CAMTA1: variants seen among roughly 807,000 people sequenced by gnomAD.
The protein encoded by CAMTA1 is calmodulin binding transcription activator 1.
A neutral mutation model predicts 170.9 loss-of-function variants in CAMTA1; 27 were observed. The ratio of observed to expected loss-of-function variants is 0.16; its 90% confidence interval spans 0.12 to 0.22. CAMTA1 has a LOEUF of 0.22. Ranked by LOEUF, CAMTA1 falls within the 10% of genes least tolerant of loss-of-function variation. The pLI is 1.00. For synonymous variants in CAMTA1, 833 were observed against 891.5 expected (o/e 0.93, Z 1.17); for missense variants, 1,619 against 2,217.2 (o/e 0.73, Z 5.42).
intron 3 of CAMTA1, among the ~76,000 whole-genome samples, chr1:6,969,993 C>G (rs1692246391): frequency 6.6e-6 from 1 of 152,118 alleles, no homozygotes; most frequent in South Asian, 2.1e-4. Flanking sequence ...TCACCACCAC[C>G]ACAGTCAAGG....
At chr1:7,735,701 G>A (rs994291891) in intron 12 of CAMTA1, among the ~76,000 whole-genome samples, 19 of 152,120 alleles carry the variant, frequency 1.2e-4, no homozygotes, top group Admixed American at 1.1e-3. Flanking sequence ...TCAGAGAAGT[G>A]CTACTGAGCT....
chr1:6,942,679 C>T (rs1327631321), intron 3 of CAMTA1, among the ~76,000 whole-genome samples: 1 of 152,056 alleles, frequency 6.6e-6, no homozygotes, highest in Admixed American at 6.6e-5. Flanking sequence ...AAAAATAAAA[C>T]CAAAACAAAC....
intron 3 of CAMTA1, among the ~76,000 whole-genome samples, chr1:6,893,692 T>C (rs1182180186): frequency 2.6e-5 from 4 of 152,200 alleles, no homozygotes; most frequent in Non-Finnish European, 5.9e-5. Flanking sequence ...TTGGCTCTGT[T>C]GGCTGGTGGG....
At chr1:7,626,211 G>A (rs974010661) in intron 6 of CAMTA1, among the ~76,000 whole-genome samples, 8 of 152,140 alleles carry the variant, frequency 5.3e-5, no homozygotes, top group African/African-American at 1.9e-4. Context: ...CATTACAGAT[G>A]CCAGAGCATA....
intron 1 of CAMTA1, among the ~76,000 whole-genome samples, chr1:6,791,554 A>T (rs1641106070): frequency 6.6e-6 from 1 of 152,200 alleles, no homozygotes; most frequent in African/African-American, 2.4e-5. Flanking sequence ...ACAGCCAAGT[A>T]TATTATTTCA....
chr1:6,815,215 T>A (rs1181874034), intron 1 of CAMTA1, among the ~76,000 whole-genome samples: 1 of 152,164 alleles, frequency 6.6e-6, no homozygotes, highest in African/African-American at 2.4e-5. Context: ...TATTTCTTTT[T>A]TTTTTTTGAG....
At chr1:6,868,604 A>G (rs575546836) in intron 3 of CAMTA1, among the ~76,000 whole-genome samples, 1 of 147,666 alleles carries the variant, frequency 6.8e-6, no homozygotes, top group East Asian at 2.2e-4. Flanking sequence ...AAGTGAACCA[A>G]TTCCCTGTGC....
At chr1:7,530,054 T>C (rs1400284463) in intron 6 of CAMTA1, among the ~76,000 whole-genome samples, 1 of 152,158 alleles carries the variant, frequency 6.6e-6, no homozygotes, top group Non-Finnish European at 1.5e-5. Flanking sequence ...GACTTCCCTG[T>C]ACCTGGGGAG....
intron 6 of CAMTA1, among the ~76,000 whole-genome samples, chr1:7,530,966 G>T (rs528318553): frequency 2.0e-5 from 3 of 151,934 alleles, no homozygotes; most frequent in Admixed American, 2.0e-4. Context: ...ATAGGCATCT[G>T]CCACCATGCC....
chr1:7,107,278 A>ATGTGTGTGTGTGTGTG (rs148905936), intron 4 of CAMTA1, among the ~76,000 whole-genome samples: 72 of 142,432 alleles, frequency 5.1e-4, no homozygotes, highest in African/African-American at 1.7e-3. Context: ...GTGTGTGTGC[A>ATGTGTGTGTGTGTGTG]TGTGTGTGTG....
At chr1:7,214,526 C>G (rs913585276) in intron 4 of CAMTA1, among the ~76,000 whole-genome samples, 1 of 152,132 alleles carries the variant, frequency 6.6e-6, no homozygotes, top group Non-Finnish European at 1.5e-5. Context: ...ACCACCACTC[C>G]TGGCTAATTT....
intron 5 of CAMTA1, among the ~76,000 whole-genome samples, chr1:7,305,606 C>A (rs1428390298): frequency 6.6e-6 from 1 of 152,020 alleles, no homozygotes; most frequent in Non-Finnish European, 1.5e-5. Flanking sequence ...CCGAGTAATA[C>A]TCCATTGTAT....
Position 7,299,920 on chromosome 1 carries a change from C to G in CAMTA1, c.438+50294C>G, listed in dbSNP as rs1263789373. On this transcript the variant is annotated intron_variant, in intron 5 of 22. Transcript: ENST00000303635. This position sits in a 1 kb window ranked among gnomAD's most constrained non-coding sequence, Gnocchi z 4.7. The stretch of plus-strand genomic sequence containing the variant: ...AGAGTCTTAGAAGGGGCCCGTGCAA[C>G]CAGAGGTGCCCCGAAAGCTTAAGTG... Among the ~76,000 whole-genome samples, 2 of 152,114 alleles carry G rather than the reference C, an allele frequency of 1.3e-5. No individual in the cohort carries two copies. Among genetic ancestry groups the G allele is most frequent in the African/African-American group, 4.8e-5 (2 of 41,418 alleles).
At chr1:7,250,388 C>A (rs187008070) in intron 5 of CAMTA1, among the ~76,000 whole-genome samples, 193 of 152,326 alleles carry the variant, frequency 1.3e-3, no homozygotes, top group Non-Finnish European at 2.0e-3. Context: ...CACTTCCCTG[C>A]GTTCCTAACT....
intron 3 of CAMTA1, among the ~76,000 whole-genome samples, chr1:6,950,694 A>G (rs1688325973): frequency 6.6e-6 from 1 of 152,090 alleles, no homozygotes; most frequent in Non-Finnish European, 1.5e-5. Context: ...CACTGGGCAG[A>G]ACTGGTCCCA....
intron 3 of CAMTA1, among the ~76,000 whole-genome samples, chr1:6,871,324 A>G (rs1013871417): frequency 1.3e-5 from 2 of 152,216 alleles, no homozygotes; most frequent in Non-Finnish European, 2.9e-5. Flanking sequence ...GAACATTGTT[A>G]TACTAAATGT....
At chr1:6,964,333 C>G (rs79970593) in intron 3 of CAMTA1, among the ~76,000 whole-genome samples, 1 of 143,432 alleles carries the variant, frequency 7.0e-6, no homozygotes, top group African/African-American at 2.5e-5. Flanking sequence ...GAGGGTGCAG[C>G]GTCCTGGGTA....
intron 3 of CAMTA1, among the ~76,000 whole-genome samples, chr1:6,884,495 CAT>C (rs1186709053): frequency 1.3e-5 from 2 of 152,208 alleles, no homozygotes; most frequent in African/African-American, 2.4e-5. Context: ...TCATCTTAAT[CAT>C]GTGAGCCTCT....
chr1:7,442,988 G>T (rs751378990), intron 5 of CAMTA1, among the ~76,000 whole-genome samples: 16 of 152,114 alleles, frequency 1.1e-4, no homozygotes, highest in Non-Finnish European at 1.5e-4. Flanking sequence ...CTGGACTCAG[G>T]ATGTCCTTTC....
Sources: gnomAD v4.1 joint callset for allele counts (sites outside exome capture counted in the v4.1 genomes callset) on GRCh38, gnomAD v4.1.1 for gene constraint, Gnocchi (gnomAD v3.1) non-coding constraint, MANE v1.5 for transcripts, NCBI Gene and HGNC (gene_info 2026-07-23, HGNC 2026-07-21) for gene names.